Variants in SYT6 observed in about 807,000 individuals in gnomAD.
SYT6 encodes the protein synaptotagmin 6.
A neutral mutation model predicts 38.4 loss-of-function variants in SYT6; 24 were observed. That is an observed-to-expected ratio of 0.62 (90% CI 0.45 to 0.88). The LOEUF (loss-of-function observed/expected upper bound fraction) is 0.88, where lower values mean the gene tolerates loss of function less well. Among genes scored for constraint, SYT6 ranks in the 40% least tolerant of loss-of-function variants. SYT6 has a pLI of 0.00. For synonymous variants in SYT6, 265 were observed against 241.9 expected (o/e 1.10, Z -0.89); for missense variants, 611 against 621.0 (o/e 0.98, Z 0.17).
Position 114,137,607 on chromosome 1 carries a change from T to A in SYT6, c.959A>T (p.Asp320Val). The change falls in exon 3 of 8, where the codon GAC (aspartate) becomes GTC (valine). Residue 320 changes from aspartate to valine, a missense_variant. Transcript: ENST00000610222. Reference protein sequence around the residue: ...RKLHLSVFDFDRFSRHDMIGE... With the variant: ...RKLHLSVFDFVRFSRHDMIGE... ...AATCATGTCATGGCGGGAGAAGCGG[T>A]CAAAGTCGAAGACACTGAGATGCAG... The A allele has an allele frequency of 6.2e-7, 1 of 1,613,878 alleles. No individual in the cohort carries two copies. The highest frequency in any genetic ancestry group is 8.5e-7 in the Non-Finnish European group (1 of 1,179,960).
intron 7 of SYT6, among the ~76,000 whole-genome samples, chr1:114,093,190 T>A (rs183678039): frequency 6.6e-6 from 1 of 152,176 alleles, no homozygotes; most frequent in African/African-American, 2.4e-5. Flanking sequence ...ATACAGCCAT[T>A]CCTAGAAGGG....
At chr1:114,108,719 A>T (rs1676483773) in intron 3 of SYT6, among the ~76,000 whole-genome samples, 6 of 152,150 alleles carry the variant, frequency 3.9e-5, no homozygotes, top group Admixed American at 3.9e-4. Flanking sequence ...TTGCCCCTCA[A>T]ATGTTTTGTT....
rs59063332 is a variant in SYT6 at position 114,129,629 on chromosome 1, CTT to C, written c.1071+7864_1071+7865del. 3.2e-3 allele frequency among the ~76,000 whole-genome samples: 263 copies of C among 83,024 alleles called. 1 individual carries two copies. Among genetic ancestry groups the C allele is most frequent in the African/African-American group, 0.012 (254 of 21,550 alleles). 54.5% of individuals were successfully genotyped at this position (83,024 alleles called of 152,430 possible). On this transcript the variant is annotated intron_variant, in intron 3 of 7. Coordinates refer to ENST00000610222, the MANE Select transcript of SYT6 (RefSeq NM_001253772.2). The stretch of plus-strand genomic sequence containing the variant: ...CTTTCTTTCTTTCCTTTCTTTCTTT[CTT>C]TCTTTCTTTCTCTTTCTTTCTTTTT...
intron 3 of SYT6, among the ~76,000 whole-genome samples, chr1:114,130,645 G>C (rs1678090006): frequency 6.6e-6 from 1 of 152,074 alleles, no homozygotes; most frequent in Admixed American, 6.5e-5. Flanking sequence ...CCTTTCATTA[G>C]CTTTTTACTT....
intron 3 of SYT6, among the ~76,000 whole-genome samples, chr1:114,128,179 C>G (rs1222581381): frequency 6.6e-6 from 1 of 152,242 alleles, no homozygotes; most frequent in Admixed American, 6.5e-5. Context: ...TTTACACCCA[C>G]TGGGGCTTCC....
intron 3 of SYT6, among the ~76,000 whole-genome samples, chr1:114,112,718 CT>C (rs1364523182): frequency 1.3e-5 from 2 of 152,380 alleles, no homozygotes; most frequent in Non-Finnish European, 2.9e-5. Context: ...CCACTGTCAT[CT>C]TCATTAACCA....
chr1:114,152,682 G>C (rs1031106546), intron 1 of SYT6: 5 of 152,428 alleles, frequency 3.3e-5, no homozygotes, highest in Non-Finnish European at 7.3e-5. Flanking sequence ...GGCGCGACAC[G>C]CCATTCCCCC....
intron 3 of SYT6, among the ~76,000 whole-genome samples, chr1:114,121,059 T>G (rs1677370702): frequency 6.6e-6 from 1 of 152,188 alleles, no homozygotes; most frequent in Admixed American, 6.5e-5. Context: ...GATGTCTCCA[T>G]AGCCACCAAG....
At chr1:114,149,336 C>T (rs932957963) in intron 1 of SYT6, among the ~76,000 whole-genome samples, 21 of 124,662 alleles carry the variant, frequency 1.7e-4, no homozygotes, top group Middle Eastern at 4.3e-3. Context: ...TTAGGAGAAC[C>T]GGTGTAATTA....
At chr1:114,148,707 A>G (rs541549053) in intron 1 of SYT6, among the ~76,000 whole-genome samples, 1 of 150,830 alleles carries the variant, frequency 6.6e-6, no homozygotes, top group Non-Finnish European at 1.5e-5. Context: ...ATTTATTAAT[A>G]CATAGTGAGC....
Position 114,097,753 on chromosome 1 carries a change from C to A in SYT6, c.1489G>T (p.Val497Leu). The A allele has an allele frequency of 3.1e-6, 5 of 1,614,194 alleles. No individual in the cohort carries two copies. Among genetic ancestry groups the A allele is most frequent in the Non-Finnish European group, 4.2e-6 (5 of 1,180,022 alleles). The change falls in exon 6 of 8, where the codon GTG becomes TTG. Residue 497 changes from valine (V) to leucine (L), a missense_variant. Val to Leu is a conservative substitution (Grantham distance 32). Transcript: ENST00000610222. ...TCTTTGAAGGATTTCTTTACCTCCA[C>A]CAAGGAGTGCCAGTGTGCGATGGGC... ...RKPIAHWHSL[V>L]EVKKSFKEGN...
chr1:114,122,672 T>C (rs1677486936), intron 3 of SYT6, among the ~76,000 whole-genome samples: 1 of 152,020 alleles, frequency 6.6e-6, no homozygotes, highest in South Asian at 2.1e-4. Context: ...CCAAATAGGG[T>C]TGGGGGAATA....
intron 3 of SYT6, among the ~76,000 whole-genome samples, chr1:114,106,987 T>C (rs1424763977): frequency 2.0e-5 from 3 of 152,176 alleles, no homozygotes; most frequent in Non-Finnish European, 4.4e-5. Flanking sequence ...AAAAGAACTC[T>C]GGAAGGAGTG....
intron 5 of SYT6, among the ~76,000 whole-genome samples, chr1:114,098,222 G>T (rs777929079): frequency 7.9e-5 from 12 of 152,188 alleles, no homozygotes; most frequent in Non-Finnish European, 1.3e-4. Flanking sequence ...ATCAGTATTT[G>T]CAAATAAATC....
At chr1:114,142,387 C>G (rs1375096854) in intron 1 of SYT6, among the ~76,000 whole-genome samples, 1 of 151,974 alleles carries the variant, frequency 6.6e-6, no homozygotes, top group Non-Finnish European at 1.5e-5. Context: ...AGAAGTGGAG[C>G]CTGAAGAATG....
intron 1 of SYT6, chr1:114,152,670 A>T (rs970753015): frequency 1.3e-5 from 2 of 152,370 alleles, no homozygotes; most frequent in African/African-American, 4.8e-5. Context: ...TCCCGCCGCC[A>T]GGGCGCGACA....
chr1:114,129,481 G>A (rs1309166111), intron 3 of SYT6, among the ~76,000 whole-genome samples: 1 of 151,548 alleles, frequency 6.6e-6, no homozygotes, highest in East Asian at 1.9e-4. Flanking sequence ...CCCTGTTTCT[G>A]CTTCTGCCAC....
At chr1:114,115,582 G>A (rs988614595) in intron 3 of SYT6, among the ~76,000 whole-genome samples, 5 of 151,874 alleles carry the variant, frequency 3.3e-5, no homozygotes, top group African/African-American at 1.2e-4. Context: ...ATGCCGGGCT[G>A]ATTTTTGTAT....
intron 3 of SYT6, among the ~76,000 whole-genome samples, chr1:114,109,968 G>A (rs777697189): frequency 2.0e-5 from 3 of 152,208 alleles, no homozygotes; most frequent in South Asian, 2.1e-4. Context: ...AGTGTTCGGG[G>A]CGCATGAGAG....
Sources: allele counts gnomAD v4.1 joint callset (sites outside exome capture counted in the v4.1 genomes callset), GRCh38; gene constraint gnomAD v4.1.1; transcripts MANE v1.5; gene names NCBI Gene and HGNC (gene_info 2026-07-23, HGNC 2026-07-21).